The following GLYR1 variants were observed in gnomAD, a reference collection of about 807,000 sequenced individuals.
GLYR1 encodes glyoxylate reductase 1 homolog.
A neutral mutation model predicts 72.7 loss-of-function variants in GLYR1; 21 were observed. That is an observed-to-expected ratio of 0.29 (90% CI 0.20 to 0.42). GLYR1 has a LOEUF of 0.42. GLYR1 is among the 10% of genes least tolerant of loss of function. The pLI, the probability that GLYR1 is intolerant of heterozygous loss-of-function variation, is 1.00. For synonymous variants in GLYR1, 392 were observed against 270.2 expected (o/e 1.45, Z -4.42); for missense variants, 594 against 712.1 (o/e 0.83, Z 1.89).
chr16:4,815,887 T>C (rs2083606409), intron 10 of GLYR1, among the ~76,000 whole-genome samples: 1 of 152,070 alleles, frequency 6.6e-6, no homozygotes, highest in Non-Finnish European at 1.5e-5. Flanking sequence ...GTTCACGCCA[T>C]TCTCCTGCCT....
intron 5 of GLYR1, among the ~76,000 whole-genome samples, chr16:4,828,345 A>C (rs1322706612): frequency 6.6e-6 from 1 of 152,072 alleles, no homozygotes; most frequent in Non-Finnish European, 1.5e-5. Context: ...CTGGGATTAC[A>C]GGCGTGAGCC....
chr16:4,829,357 G>A (rs2084637506), intron 5 of GLYR1, among the ~76,000 whole-genome samples: 1 of 152,024 alleles, frequency 6.6e-6, no homozygotes, highest in African/African-American at 2.4e-5. Flanking sequence ...CCAGGCTGGA[G>A]TGCAGTGGTG....
chr16:4,842,332 C>G (rs972745952), intron 3 of GLYR1, among the ~76,000 whole-genome samples: 3 of 152,082 alleles, frequency 2.0e-5, no homozygotes, highest in East Asian at 1.9e-4. Flanking sequence ...TGGCTCTCCA[C>G]TGAGCTCTCC....
intron 3 of GLYR1, among the ~76,000 whole-genome samples, chr16:4,833,544 C>T (rs1231640162): frequency 6.6e-6 from 1 of 151,424 alleles, no homozygotes; most frequent in Admixed American, 6.6e-5. Flanking sequence ...ACCATGGCTA[C>T]TAAACCACAC....
At chr16:4,814,422 A>T in intron 11 of GLYR1, 115 bp downstream of exon 11, 1 of 775,112 alleles carries the variant, frequency 1.3e-6, no homozygotes, top group Non-Finnish European at 2.3e-6. Context: ...CCTGATGGGA[A>T]ATTCAGCCCC....
intron 15 of GLYR1, among the ~76,000 whole-genome samples, chr16:4,807,187 C>T (rs2083042801): frequency 4.0e-5 from 6 of 149,402 alleles, no homozygotes; most frequent in Admixed American, 3.4e-4. Flanking sequence ...TCTCGGCTCA[C>T]TGCAACCTCC....
At chr16:4,810,699 T>TAAAAAAAA (rs551202037) in intron 15 of GLYR1, among the ~76,000 whole-genome samples, 5 of 21,820 alleles carry the variant, frequency 2.3e-4, no homozygotes, top group African/African-American at 7.7e-4. Flanking sequence ...CTGTCTCTAC[T>TAAAAAAAA]AAAAAAAAAA....
intron 5 of GLYR1, among the ~76,000 whole-genome samples, chr16:4,831,765 G>C (rs190141784): frequency 6.6e-6 from 1 of 152,280 alleles, no homozygotes; most frequent in African/African-American, 2.4e-5. Flanking sequence ...TGAGCTCCAA[G>C]GCTCAAGCCA....
chr16:4,818,325 T>G (rs115434217), intron 9 of GLYR1, among the ~76,000 whole-genome samples: 1,645 of 152,056 alleles, frequency 0.011, 39 homozygotes, highest in African/African-American at 0.039. Flanking sequence ...GATAGTGTCT[T>G]GTTCTGTTGC....
At chr16:4,811,356 G>A (rs1258718176) in intron 14 of GLYR1, 62 bp from the exon 15 acceptor site, 6 of 1,599,798 alleles carry the variant, frequency 3.8e-6, no homozygotes, top group Middle Eastern at 1.7e-4. Context: ...ACTACTTACG[G>A]TCCACCAGGT....
chr16:4,845,276 A>G (rs766875819), intron 2 of GLYR1, 123 bp from the exon 3 acceptor site: 1 of 656,662 alleles, frequency 1.5e-6, no homozygotes, highest in Non-Finnish European at 2.7e-6. Flanking sequence ...ACTTACTTAC[A>G]AATAAATTTA....
At chr16:4,817,745 C>A in intron 9 of GLYR1, 48 bp from the exon 10 acceptor site, 1 of 1,141,314 alleles carries the variant, frequency 8.8e-7, no homozygotes, top group Non-Finnish European at 1.3e-6. Context: ...GGGAGGGTCA[C>A]GGTGATGATG....
rs1181757996 is a variant in GLYR1, at chr16:4,811,275, A to T, written c.1482T>A (p.Phe494Leu). The T allele has an allele frequency of 1.9e-6, 3 of 1,614,036 alleles. No individual in the cohort carries two copies. Among genetic ancestry groups the T allele is most frequent in the Non-Finnish European group, 8.5e-7 (1 of 1,180,020 alleles). Residue 494 changes from phenylalanine (F) to leucine (L), a missense_variant, in exon 15 of 16, where the codon TTT (phenylalanine) becomes TTA (leucine). By Grantham distance (22) the Phe-to-Leu change is conservative (BLOSUM62 0). Transcript: ENST00000321919. ...QKCQNILQGN[F>L]KPDFYLKYIQ... ...TGTATTTCAGGTAGAAATCAGGCTT[A>T]AAGTTTCCTTGCAGGATATCTGAGG...
intron 15 of GLYR1, among the ~76,000 whole-genome samples, chr16:4,807,261 G>C (rs1024457851): frequency 6.6e-6 from 1 of 151,756 alleles, no homozygotes; most frequent in African/African-American, 2.4e-5. Flanking sequence ...AATAGTGCCC[G>C]CCACTATGCC....
chr16:4,823,723 C>G, intron 6 of GLYR1, 98 bp downstream of exon 6: 2 of 915,264 alleles, frequency 2.2e-6, no homozygotes, highest in Middle Eastern at 4.5e-4. Flanking sequence ...TAAATTAAGC[C>G]TCACACACAA....
At chr16:4,815,533 G>A (rs1002376733) in intron 10 of GLYR1, among the ~76,000 whole-genome samples, 9 of 151,930 alleles carry the variant, frequency 5.9e-5, no homozygotes, top group African/African-American at 1.9e-4. Flanking sequence ...ACATCTTTAC[G>A]TACAAAACTT....
chr16:4,845,166 A>G lies in GLYR1; in HGVS notation c.76-13T>C. 1 of 1,609,180 alleles carries G rather than the reference A, an allele frequency of 6.2e-7. No individual in the cohort carries two copies. ...GTGGATTAACAATCTGGAGGATAAA[A>G]GGGGGGAAAAAGGTTGGCTGGCAAC... On this transcript the variant is annotated splice_polypyrimidine_tract_variant and intron_variant, in intron 2 of 15. Transcript: ENST00000321919.
In GLYR1 at chr16:4,838,929, C is replaced by T. The variant is rs1311998446; in HGVS notation, c.156-6017G>A. ...AAAGACAGGGTCCTGCTCTGTCACCCAGGCTGGAATACAGTGCCTCAATCA... is the reference window on the plus strand; with the variant it reads ...AAAGACAGGGTCCTGCTCTGTCACCTAGGCTGGAATACAGTGCCTCAATCA... On this transcript the variant is annotated intron_variant, in intron 3 of 15. Coordinates refer to ENST00000321919, the MANE Select transcript of GLYR1 (RefSeq NM_032569.4). Among the ~76,000 whole-genome samples the T allele has an allele frequency of 2.6e-5, 4 of 152,110 alleles. 1 individual carries two copies. Among genetic ancestry groups the T allele is most frequent in the Admixed American group, 2.6e-4 (4 of 15,262 alleles).
In GLYR1 at chr16:4,805,234, G is replaced by A. The variant is rs758139750; in HGVS notation, c.*2C>T. 6 of 1,613,740 alleles carry A rather than the reference G, an allele frequency of 3.7e-6. No individual in the cohort carries two copies. The East Asian group carries it at 6.7e-5, about 18-fold the overall frequency. On this transcript the variant is annotated 3_prime_UTR_variant, in exon 16 of 16. Coordinates refer to ENST00000321919, the MANE Select transcript of GLYR1 (RefSeq NM_032569.4). ...GAGGGGTGAGGGCGGGGTGTCGACAGCTTAGTGTATGTAGGCTCGGTACAC... is the reference window on the plus strand; with the variant it reads ...GAGGGGTGAGGGCGGGGTGTCGACAACTTAGTGTATGTAGGCTCGGTACAC...
Sources: allele counts gnomAD v4.1 joint callset (sites outside exome capture counted in the v4.1 genomes callset), GRCh38; gene constraint gnomAD v4.1.1; transcripts MANE v1.5; gene names NCBI Gene and HGNC (gene_info 2026-07-23, HGNC 2026-07-21).